Variants in WDR59 observed in about 807,000 individuals in gnomAD.
WDR59 encodes the protein GATOR2 complex protein WDR59.
A neutral mutation model predicts 131.2 loss-of-function variants in WDR59; 100 were observed. The observed-to-expected ratio is 0.76, with a 90% CI of 0.65 to 0.90. WDR59 has a LOEUF of 0.90. WDR59 is among the 40% of genes least tolerant of loss of function. WDR59 has a pLI of 0.00. For synonymous variants in WDR59, 601 were observed against 466.2 expected (o/e 1.29, Z -3.72); for missense variants, 1,203 against 1,262.2 (o/e 0.95, Z 0.71).
chr16:74,904,666 A>G (rs1180785617), intron 17 of WDR59, among the ~76,000 whole-genome samples: 1 of 152,216 alleles, frequency 6.6e-6, no homozygotes, highest in African/African-American at 2.4e-5. Flanking sequence ...GGAACTAATA[A>G]GTTGATTTTA....
chr16:74,907,366 G>A (rs943240926), intron 17 of WDR59, among the ~76,000 whole-genome samples: 11 of 152,130 alleles, frequency 7.2e-5, no homozygotes, highest in Non-Finnish European at 1.2e-4. Context: ...TCATGGGGGC[G>A]GCGTCCCCCA....
At chr16:74,878,452 G>T (rs1474430147) in intron 25 of WDR59, among the ~76,000 whole-genome samples, 4 of 152,130 alleles carry the variant, frequency 2.6e-5, no homozygotes, top group Non-Finnish European at 5.9e-5. Flanking sequence ...CCAGGCGTTC[G>T]AGACCAGCCT....
chr16:74,969,356 T>C (rs2145208282), intron 1 of WDR59, among the ~76,000 whole-genome samples: 1 of 151,240 alleles, frequency 6.6e-6, no homozygotes, highest in Non-Finnish European at 1.5e-5. Context: ...CACTGCAACC[T>C]CCACCTCCCA....
rs140104489 is a variant in WDR59, at chr16:74,907,391, TAGTG to T, written c.1712+1513_1712+1516del. 7.1e-3 allele frequency among the ~76,000 whole-genome samples: 1,075 copies of T among 152,288 alleles called. 10 individuals carry two copies. The highest frequency in any genetic ancestry group is 0.024 in the African/African-American group (992 of 41,554). ...GGCGTCCCCCATGCTGTTCTCATGA[TAGTG>T]AGTGAGTTCTCATGAGATTTGATGG... On this transcript the variant is annotated intron_variant, in intron 17 of 25. Coordinates refer to ENST00000262144, the MANE Select transcript of WDR59 (RefSeq NM_030581.4).
intron 19 of WDR59, among the ~76,000 whole-genome samples, chr16:74,893,360 C>A (rs1490118700): frequency 1.3e-5 from 2 of 152,252 alleles, no homozygotes; most frequent in African/African-American, 4.8e-5. Context: ...TGCTGACAAC[C>A]TGAACAAGCT....
intron 6 of WDR59, among the ~76,000 whole-genome samples, chr16:74,943,603 T>C (rs540496821): frequency 6.6e-6 from 1 of 152,144 alleles, no homozygotes; most frequent in African/African-American, 2.4e-5. Flanking sequence ...AAAAAATAAA[T>C]CATTAATCAA....
At chr16:74,963,785 A>G (rs2033657617) in intron 2 of WDR59, among the ~76,000 whole-genome samples, 1 of 152,136 alleles carries the variant, frequency 6.6e-6, no homozygotes, top group Admixed American at 6.6e-5. Context: ...AAATACTTCA[A>G]GAGGCCAAGG....
At chr16:74,880,504 A>G (rs2056019495) in intron 25 of WDR59, among the ~76,000 whole-genome samples, 2 of 152,198 alleles carry the variant, frequency 1.3e-5, no homozygotes, top group African/African-American at 4.8e-5. Context: ...AGCCATTATG[A>G]AGGGGAGGAG....
At chr16:74,879,447 G>T (rs1358728591) in intron 25 of WDR59, among the ~76,000 whole-genome samples, 3 of 152,204 alleles carry the variant, frequency 2.0e-5, no homozygotes, top group Non-Finnish European at 4.4e-5. Flanking sequence ...GGATTTCTAG[G>T]ACTTTTTGGT....
chr16:74,924,181 T>A (rs1405073538), intron 8 of WDR59, among the ~76,000 whole-genome samples, 178 bp from the exon 9 acceptor site: 4 of 152,186 alleles, frequency 2.6e-5, no homozygotes, highest in Non-Finnish European at 5.9e-5. Context: ...AACCTCCCTT[T>A]CTATTTCTAA....
At position 74,938,286 on chromosome 16, in the gene WDR59, A is replaced by G. The variant is rs1445837332; in HGVS notation, c.535-20T>C. 3.5e-6 allele frequency: 5 copies of G among 1,434,942 alleles called. No homozygotes were observed. The Admixed American group carries it at 7.6e-5, about 22-fold the overall frequency. 88.9% of individuals were successfully genotyped at this position (1,434,942 alleles called of 1,614,324 possible). A position where few individuals can be genotyped will look rare whatever the true frequency, so the allele number is the denominator to read the frequency against. ...GGGTTTCTGCAACAGATCAGCACCT[A>G]ATATTATCGATTTAGAAAGAACTCT... On this transcript the variant is annotated intron_variant, in intron 7 of 25. Transcript: ENST00000262144.
At chr16:74,896,143 T>C (rs973519624) in intron 18 of WDR59, among the ~76,000 whole-genome samples, 2 of 152,032 alleles carry the variant, frequency 1.3e-5, no homozygotes, top group African/African-American at 4.8e-5. Flanking sequence ...ATATGATCCA[T>C]CTAATTTGGT....
chr16:74,912,315 G>C lies in WDR59; in HGVS notation c.1272C>G (p.Asn424Lys). The change falls in exon 14 of 26, where the codon AAC (asparagine) becomes AAG (lysine). Residue 424 changes from asparagine to lysine, a missense_variant. Transcript: ENST00000262144. The part of the protein sequence containing the change: ...RSCTVSVHCS[N>K]HRVKMLVKFP... ...ACTTCACCAGCATCTTGACACGATG[G>C]TTGCTGCAGTGCACAGACACTGTGC... is the stretch of plus-strand genomic sequence containing the variant. The C allele has an allele frequency of 1.9e-6, 3 of 1,614,078 alleles. No homozygotes were observed. Among genetic ancestry groups the C allele is most frequent in the Non-Finnish European group, 2.5e-6 (3 of 1,180,024 alleles).
At chr16:74,891,569 C>A (rs1203371688) in intron 20 of WDR59, among the ~76,000 whole-genome samples, 1 of 152,224 alleles carries the variant, frequency 6.6e-6, no homozygotes, top group African/African-American at 2.4e-5. Flanking sequence ...GAAACAGTGA[C>A]TCTTGCATTT....
intron 18 of WDR59, among the ~76,000 whole-genome samples, chr16:74,897,317 A>T (rs142205680): frequency 0.014 from 2,095 of 152,320 alleles, 23 homozygotes; most frequent in Middle Eastern, 0.024. Flanking sequence ...CACAGTGTTT[A>T]GGCTTTGGGG....
chr16:74,912,152 C>T (rs1966124808), intron 14 of WDR59, 46 bp downstream of exon 14: 2 of 1,612,948 alleles, frequency 1.2e-6, no homozygotes, highest in African/African-American at 2.7e-5. Flanking sequence ...TCCATCTAGA[C>T]AATGATGCAG....
intron 8 of WDR59, among the ~76,000 whole-genome samples, chr16:74,933,184 C>T (rs982387130): frequency 6.6e-6 from 1 of 152,142 alleles, no homozygotes; most frequent in Non-Finnish European, 1.5e-5. Flanking sequence ...ACCTGTAGTC[C>T]TAGCAACTTC....
intron 13 of WDR59, among the ~76,000 whole-genome samples, chr16:74,914,145 G>A (rs1966245759): frequency 1.3e-5 from 2 of 152,172 alleles, no homozygotes; most frequent in African/African-American, 4.8e-5. Context: ...CCGAGAGGCA[G>A]AGCCTGCAGT....
rs12928321 is a variant in WDR59 at position 74,873,336 on chromosome 16, G to C, written c.*873C>G. ...GTGGGATTACAGGCATGAGCCATGG[G>C]GCCTGGCCAGGGAGACTTTTCTATC... On this transcript the variant is annotated 3_prime_UTR_variant, in exon 26 of 26. Coordinates refer to ENST00000262144, the MANE Select transcript of WDR59 (RefSeq NM_030581.4). 6.6e-6 allele frequency: 1 copy of C among 152,142 alleles called. No individual in the cohort carries two copies. Among genetic ancestry groups the C allele is most frequent in the African/African-American group, 2.4e-5 (1 of 41,442 alleles). 9.4% of individuals were successfully genotyped at this position (152,142 alleles called of 1,614,324 possible). A position where few individuals can be genotyped will look rare whatever the true frequency, so the allele number is the denominator to read the frequency against.
Sources: allele counts gnomAD v4.1 joint callset (sites outside exome capture counted in the v4.1 genomes callset), GRCh38; gene constraint gnomAD v4.1.1; transcripts MANE v1.5; gene names NCBI Gene and HGNC (gene_info 2026-07-23, HGNC 2026-07-21).